CA10: variants seen among roughly 807,000 people sequenced by gnomAD.
CA10 encodes carbonic anhydrase 10 (inactive).
Under a neutral mutation model 44.2 loss-of-function variants are expected in CA10, and 14 were observed. The observed-to-expected ratio is 0.32, with a 90% CI of 0.21 to 0.50. CA10 has a LOEUF of 0.50. Among genes scored for constraint, CA10 ranks in the 20% least tolerant of loss-of-function variants. CA10 has a pLI of 0.99. For synonymous variants in CA10, 159 were observed against 141.6 expected, an observed-to-expected ratio of 1.12 and a Z score of -0.87; for missense variants, 350 against 409.7, an observed-to-expected ratio of 0.85 and a Z score of 1.26.
intron 3 of CA10, among the ~76,000 whole-genome samples, chr17:51,854,530 G>C (rs939956959): frequency 6.6e-6 from 1 of 152,164 alleles, no homozygotes; most frequent in Non-Finnish European, 1.5e-5. Context: ...CTGGGAACTT[G>C]GATGAAGAGA....
intron 2 of CA10, among the ~76,000 whole-genome samples, chr17:52,064,694 G>A (rs1987486091): frequency 6.6e-6 from 1 of 152,084 alleles, no homozygotes; most frequent in Non-Finnish European, 1.5e-5. Context: ...AAAAGAAAAG[G>A]ATGGAAAATA....
chr17:51,835,088 C>T (rs931602498), intron 3 of CA10, among the ~76,000 whole-genome samples: 29 of 152,242 alleles, frequency 1.9e-4, no homozygotes, highest in African/African-American at 7.0e-4. Flanking sequence ...TGACCTTGTG[C>T]CCCGGCTGCT....
intron 2 of CA10, among the ~76,000 whole-genome samples, chr17:52,055,531 G>C (rs1364313414): frequency 6.6e-6 from 1 of 151,968 alleles, no homozygotes; most frequent in Non-Finnish European, 1.5e-5. Context: ...CATGTTGGAG[G>C]CTCCAAGAAT....
chr17:52,157,021 C>T (rs1219059372), intron 1 of CA10, among the ~76,000 whole-genome samples: 1 of 152,170 alleles, frequency 6.6e-6, no homozygotes, highest in Non-Finnish European at 1.5e-5. Context: ...ACCCTGAAAT[C>T]CCGTTTGCTC....
At chr17:51,768,611 G>C (rs910175100) in intron 3 of CA10, among the ~76,000 whole-genome samples, 2 of 152,104 alleles carry the variant, frequency 1.3e-5, no homozygotes, top group Non-Finnish European at 2.9e-5. Flanking sequence ...ATGAGGCCAG[G>C]GTTCCTGACT....
At chr17:51,738,822 TC>T (rs1904342716) in intron 4 of CA10, among the ~76,000 whole-genome samples, 3 of 152,198 alleles carry the variant, frequency 2.0e-5, no homozygotes, top group Non-Finnish European at 4.4e-5. Context: ...GTTTTTTGAA[TC>T]TTGGGATTTG....
At chr17:51,780,325 T>C (rs1321716589) in intron 3 of CA10, among the ~76,000 whole-genome samples, 1 of 152,176 alleles carries the variant, frequency 6.6e-6, no homozygotes, top group Admixed American at 6.5e-5. Context: ...TGCAGGCTCA[T>C]CAAGGTGGAG....
intron 3 of CA10, among the ~76,000 whole-genome samples, chr17:51,901,426 T>C (rs552836447): frequency 6.6e-6 from 1 of 152,032 alleles, no homozygotes; most frequent in African/African-American, 2.4e-5. Flanking sequence ...AATACTCCAA[T>C]AGGGGGTGCC....
intron 1 of CA10, among the ~76,000 whole-genome samples, chr17:52,098,411 A>G (rs897300685): frequency 8.5e-5 from 13 of 152,236 alleles, no homozygotes; most frequent in African/African-American, 3.1e-4. Context: ...TCTGAGGACC[A>G]TATTTTGAGT....
At chr17:51,929,369 A>G (rs1029355582) in intron 3 of CA10, among the ~76,000 whole-genome samples, 1 of 152,136 alleles carries the variant, frequency 6.6e-6, no homozygotes, top group Non-Finnish European at 1.5e-5. Context: ...AATGCTTGCC[A>G]TAACTCGTAG....
intron 2 of CA10, among the ~76,000 whole-genome samples, chr17:52,010,767 TTATTAA>T (rs1245544644): frequency 6.6e-6 from 1 of 151,156 alleles, no homozygotes; most frequent in African/African-American, 2.4e-5. Context: ...CAACATGAAC[TTATTAA>T]TATTATTTAT....
At chr17:51,754,423 A>ATC (rs1905013174) in intron 3 of CA10, among the ~76,000 whole-genome samples, 1 of 80,164 alleles carries the variant, frequency 1.2e-5, no homozygotes, top group Non-Finnish European at 2.7e-5. Context: ...ATATATATAT[A>ATC]TATATATATA....
At chr17:52,014,938 A>T (rs1422730576) in intron 2 of CA10, among the ~76,000 whole-genome samples, 1 of 152,100 alleles carries the variant, frequency 6.6e-6, no homozygotes, top group Non-Finnish European at 1.5e-5. Context: ...ATTGTGGTAC[A>T]TTTATACAAT....
intron 4 of CA10, among the ~76,000 whole-genome samples, chr17:51,737,534 A>AAT (rs950429667): frequency 2.6e-5 from 4 of 151,718 alleles, no homozygotes; most frequent in South Asian, 2.1e-4. Context: ...ATTACCCTAT[A>AAT]ATATATATAT....
intron 1 of CA10, among the ~76,000 whole-genome samples, chr17:52,097,904 T>G (rs1988444246): frequency 6.6e-6 from 1 of 152,208 alleles, no homozygotes; most frequent in Non-Finnish European, 1.5e-5. Flanking sequence ...GACATTTCTA[T>G]AAAACTTGCC....
chr17:51,962,741 G>T (rs905513043), intron 2 of CA10, among the ~76,000 whole-genome samples: 2 of 152,004 alleles, frequency 1.3e-5, no homozygotes, highest in African/African-American at 4.8e-5. Context: ...ACCCGCTAAT[G>T]ATATTATAGG....
rs146984866 is a variant in CA10 at position 51,657,057 on chromosome 17, G to T, written c.466-3321C>A. Among the ~76,000 whole-genome samples the T allele has an allele frequency of 2.6e-3, 401 of 152,292 alleles. 3 individuals are homozygous for T. The highest frequency in any genetic ancestry group is 9.3e-3 in the African/African-American group (385 of 41,550). ...GAGCCAGGAGAAAATAGAGGTGGAG[G>T]TTGGGGGGTATTTAATTTCAGATGA... On this transcript the variant is annotated intron_variant, in intron 4 of 8. Coordinates refer to ENST00000451037, the MANE Select transcript of CA10 (RefSeq NM_020178.5).
chr17:52,153,377 G>T (rs993981169), intron 1 of CA10, among the ~76,000 whole-genome samples: 1 of 152,072 alleles, frequency 6.6e-6, no homozygotes, highest in Admixed American at 6.6e-5. Context: ...AGCATATGTC[G>T]TTTGCCAGTG....
chr17:51,713,602 G>C (rs796377830), intron 4 of CA10, among the ~76,000 whole-genome samples: 4 of 152,346 alleles, frequency 2.6e-5, no homozygotes, highest in African/African-American at 9.6e-5. Flanking sequence ...GCAAAGGGTA[G>C]AGTGTGGGTA....
Sources: allele counts gnomAD v4.1 joint callset (sites outside exome capture counted in the v4.1 genomes callset), GRCh38; gene constraint gnomAD v4.1.1; transcripts MANE v1.5; gene names NCBI Gene and HGNC (gene_info 2026-07-23, HGNC 2026-07-21).